The following FAM53B variants were observed in gnomAD, a reference collection of about 807,000 sequenced individuals.
FAM53B encodes family with sequence similarity 53 member B.
A neutral mutation model predicts 32.7 loss-of-function variants in FAM53B; 12 were observed. The observed-to-expected ratio is 0.37, with a 90% CI of 0.24 to 0.59. The LOEUF (loss-of-function observed/expected upper bound fraction) is 0.59. Ranked by LOEUF, FAM53B falls within the 20% of genes least tolerant of loss-of-function variation. The probability of loss-of-function intolerance (pLI) is 0.72; values close to 1 mark genes in which losing one functional copy is unlikely to be tolerated. For synonymous variants in FAM53B, 234 were observed against 228.7 expected, an observed-to-expected ratio of 1.02 and a Z score of -0.21; for missense variants, 477 against 577.7, an observed-to-expected ratio of 0.83 and a Z score of 1.79.
chr10:124,626,397 C>T (rs3781474), intron 4 of FAM53B, among the ~76,000 whole-genome samples: 11 of 146,282 alleles, frequency 7.5e-5, no homozygotes, highest in African/African-American at 2.5e-4. Flanking sequence ...TGCCCCCCCC[C>T]CCCCCACCAT....
intron 4 of FAM53B, among the ~76,000 whole-genome samples, chr10:124,639,784 G>C (rs998206248): frequency 4.6e-5 from 7 of 151,998 alleles, no homozygotes; most frequent in Non-Finnish European, 1.0e-4. Context: ...CTGAGTGAAA[G>C]TGCTGGAGAC....
chr10:124,622,920 A>C lies in FAM53B; in HGVS notation c.*322T>G. The C allele has an allele frequency of 2.8e-5, 7 of 254,348 alleles. No homozygotes were observed. The highest frequency in any genetic ancestry group is 2.0e-4 in the East Asian group (2 of 9,984). 15.8% of individuals were successfully genotyped at this position (254,348 alleles called of 1,614,324 possible). A position where few individuals can be genotyped will look rare whatever the true frequency, so the allele number is the denominator to read the frequency against. ...AGCGGTGCCCAGCTCTGCCGGGGAC[A>C]ACAGAGACTGCCCAACATCCCACAG... On this transcript the variant is annotated 3_prime_UTR_variant, in exon 5 of 5. Transcript: ENST00000337318.
chr10:124,672,434 C>T (rs943010375), intron 4 of FAM53B, among the ~76,000 whole-genome samples: 7 of 152,244 alleles, frequency 4.6e-5, no homozygotes, highest in Admixed American at 3.3e-4. Flanking sequence ...CTGGGGTTGG[C>T]CAGGCCTCCC....
At chr10:124,688,419 A>C (rs1344440568) in intron 3 of FAM53B, among the ~76,000 whole-genome samples, 1 of 152,214 alleles carries the variant, frequency 6.6e-6, no homozygotes, top group African/African-American at 2.4e-5. Context: ...AATGATACAC[A>C]CGAGAGCGTG....
chr10:124,716,765 A>C (rs1397553866), intron 1 of FAM53B, among the ~76,000 whole-genome samples: 1 of 152,168 alleles, frequency 6.6e-6, no homozygotes, highest in Non-Finnish European at 1.5e-5. Flanking sequence ...AAAAGGAAGG[A>C]GACGAGGGAC....
intron 4 of FAM53B, among the ~76,000 whole-genome samples, chr10:124,640,330 C>T (rs1041858774): frequency 6.6e-6 from 1 of 152,202 alleles, no homozygotes; most frequent in Non-Finnish European, 1.5e-5. Flanking sequence ...GGGGAGGGAT[C>T]GTGTTCCTGA....
chr10:124,626,981 G>A (rs1002321165), intron 4 of FAM53B, among the ~76,000 whole-genome samples: 6 of 152,214 alleles, frequency 3.9e-5, no homozygotes, highest in South Asian at 2.1e-4. Context: ...GGTGAATCTC[G>A]TCACAAGCAA....
At position 124,682,919 on chromosome 10, in the gene FAM53B, C is replaced by T. The variant is rs952913065; in HGVS notation, c.134-540G>A. Among the ~76,000 whole-genome samples the T allele has an allele frequency of 5.9e-5, 9 of 152,256 alleles. No homozygotes were observed. Among genetic ancestry groups the T allele is most frequent in the Admixed American group, 2.0e-4 (3 of 15,288 alleles). ...GGGGCACTGCCAGGTTAGTTCACCCCAATTCCACCTTGAAAGCCTTTGCTG... is the reference window on the plus strand; with the variant it reads ...GGGGCACTGCCAGGTTAGTTCACCCTAATTCCACCTTGAAAGCCTTTGCTG... On this transcript the variant is annotated intron_variant, in intron 3 of 4. Transcript: ENST00000337318. The surrounding 1 kb of genome is among the most constrained non-coding windows in gnomAD (Gnocchi z 5.2).
intron 4 of FAM53B, among the ~76,000 whole-genome samples, chr10:124,661,121 C>A (rs1015068867): frequency 2.0e-5 from 3 of 151,512 alleles, no homozygotes; most frequent in Non-Finnish European, 4.4e-5. Flanking sequence ...GTGTGCTGAC[C>A]CCTTCTCTGA....
At position 124,621,286 on chromosome 10, in the gene FAM53B, C is replaced by T. The variant is rs936910807; in HGVS notation, c.*1956G>A. The T allele has an allele frequency of 6.6e-6, 1 of 152,324 alleles. No homozygotes were observed. The highest frequency in any genetic ancestry group is 2.4e-5 in the African/African-American group (1 of 41,456). 9.4% of individuals were successfully genotyped at this position (152,324 alleles called of 1,614,324 possible). On this transcript the variant is annotated 3_prime_UTR_variant, in exon 5 of 5. Coordinates refer to ENST00000337318, the MANE Select transcript of FAM53B (RefSeq NM_014661.4). ...ATGGCCATGTGCTCTCCACATTCACCCAACAACTGCCCTGGCCGCCTCCAC... is the reference window on the plus strand; with the variant it reads ...ATGGCCATGTGCTCTCCACATTCACTCAACAACTGCCCTGGCCGCCTCCAC...
At chr10:124,741,803 G>T (rs995782712) in intron 1 of FAM53B, among the ~76,000 whole-genome samples, 6 of 152,176 alleles carry the variant, frequency 3.9e-5, no homozygotes, top group Admixed American at 2.0e-4. Flanking sequence ...AGAACTTTGC[G>T]TACTTTCAAA....
chr10:124,627,845 ACCCC>A, intron 4 of FAM53B, among the ~76,000 whole-genome samples: 1 of 152,000 alleles, frequency 6.6e-6, no homozygotes, highest in Non-Finnish European at 1.5e-5. Flanking sequence ...TGGAGCAATG[ACCCC>A]TCTTCTGCAG....
intron 4 of FAM53B, among the ~76,000 whole-genome samples, chr10:124,674,312 T>C (rs1444144145): frequency 6.6e-6 from 1 of 152,086 alleles, no homozygotes; most frequent in Non-Finnish European, 1.5e-5. Context: ...ACTCCTAAAG[T>C]GTGACTCCCA....
chr10:124,693,416 G>A (rs919768077), intron 3 of FAM53B, among the ~76,000 whole-genome samples: 1 of 150,610 alleles, frequency 6.6e-6, no homozygotes, highest in Non-Finnish European at 1.5e-5. Flanking sequence ...GTTGCCGTGG[G>A]CCAAGATCAC....
At chr10:124,636,784 G>T (rs934436942) in intron 4 of FAM53B, among the ~76,000 whole-genome samples, 5 of 151,948 alleles carry the variant, frequency 3.3e-5, no homozygotes, top group Admixed American at 2.6e-4. Flanking sequence ...GGTGGCCGCA[G>T]GACACACAGA....
At chr10:124,712,023 G>A (rs1950007534) in intron 1 of FAM53B, among the ~76,000 whole-genome samples, 1 of 152,162 alleles carries the variant, frequency 6.6e-6, no homozygotes. Flanking sequence ...TCATGCTACT[G>A]CACTCCAGCC....
rs553413300 is a variant in FAM53B at position 124,706,940 on chromosome 10, C to T, written c.-174-53G>A. On this transcript the variant is annotated intron_variant, in intron 1 of 4. Coordinates refer to ENST00000337318, the MANE Select transcript of FAM53B (RefSeq NM_014661.4). Reference sequence around the variant, plus strand: ...ATTCAGGACTAAGAAAGACGAGGGCCCTGAGAGTCACCCCTCCCACAGTAC... The same window carrying T: ...ATTCAGGACTAAGAAAGACGAGGGCTCTGAGAGTCACCCCTCCCACAGTAC... 56 of 1,395,772 alleles carry T rather than the reference C, an allele frequency of 4.0e-5. No individual in the cohort carries two copies. The African/African-American group carries it at 7.7e-4, about 19-fold the overall frequency. 86.5% of individuals were successfully genotyped at this position (1,395,772 alleles called of 1,614,324 possible). A position where few individuals can be genotyped will look rare whatever the true frequency, so the allele number is the denominator to read the frequency against.
intron 3 of FAM53B, among the ~76,000 whole-genome samples, chr10:124,692,518 C>A (rs1022057512): frequency 6.6e-6 from 1 of 151,812 alleles, no homozygotes; most frequent in African/African-American, 2.4e-5. Context: ...AGTTCGAGAC[C>A]AGCCTGACCA....
intron 1 of FAM53B, among the ~76,000 whole-genome samples, chr10:124,707,451 C>T (rs568025469): frequency 6.6e-6 from 1 of 152,184 alleles, no homozygotes; most frequent in Non-Finnish European, 1.5e-5. Context: ...AAAAGGCATA[C>T]ATTTGGCCAG....
Sources: gnomAD v4.1 joint callset for allele counts (sites outside exome capture counted in the v4.1 genomes callset) on GRCh38, gnomAD v4.1.1 for gene constraint, Gnocchi (gnomAD v3.1) non-coding constraint, MANE v1.5 for transcripts, NCBI Gene and HGNC (gene_info 2026-07-23, HGNC 2026-07-21) for gene names.